Variants in TNNI3K observed in about 807,000 individuals in gnomAD.
The protein encoded by TNNI3K is TNNI3 interacting kinase.
TNNI3K carries 140 observed loss-of-function variants against 114.5 expected under a neutral mutation model. The observed-to-expected ratio is 1.22, with a 90% CI of 1.07 to 1.41. The LOEUF (loss-of-function observed/expected upper bound fraction) is 1.41, where lower values mean the gene tolerates loss of function less well. TNNI3K is among the 40% of genes most tolerant of loss of function. TNNI3K has a pLI of 0.00. For missense variants in TNNI3K, 1,125 were observed against 1,007.6 expected (o/e 1.12, Z -1.58); for synonymous variants, 347 against 347.5 (o/e 1.00, Z 0.02).
intron 23 of TNNI3K, among the ~76,000 whole-genome samples, chr1:74,505,169 G>C (rs1231590334): frequency 6.6e-6 from 1 of 152,188 alleles, no homozygotes; most frequent in Non-Finnish European, 1.5e-5. Flanking sequence ...AGTTGCGTGT[G>C]TGTACAACTG....
chr1:74,416,195 A>G (rs1274105659), intron 17 of TNNI3K: 1 of 668,120 alleles, frequency 1.5e-6, no homozygotes, highest in Non-Finnish European at 1.8e-6. Context: ...GGCATGAAGC[A>G]TAGCATAGCA....
At chr1:74,373,405 A>G (rs1304115634) in intron 17 of TNNI3K, 1 of 151,934 alleles carries the variant, frequency 6.6e-6, no homozygotes, top group Admixed American at 6.6e-5. Flanking sequence ...AAAGAAGTAG[A>G]GAGAAAGATG....
chr1:74,439,722 A>G, intron 20 of TNNI3K, 100 bp downstream of exon 20: 1 of 1,515,632 alleles, frequency 6.6e-7, no homozygotes, highest in Non-Finnish European at 8.9e-7. Context: ...AGTCTCAGTG[A>G]GATGGCAAAA....
intron 21 of TNNI3K, among the ~76,000 whole-genome samples, chr1:74,477,687 A>T (rs143402419): frequency 6.6e-6 from 1 of 152,298 alleles, no homozygotes; most frequent in African/African-American, 2.4e-5. Context: ...TCTTGATACT[A>T]GGTATATATC....
rs1669422046 is a variant in TNNI3K, at chr1:74,498,024, TAA to T, written c.2351+5760_2351+5761del. On this transcript the variant is annotated intron_variant, in intron 23 of 24. Transcript: ENST00000326637. ...TGTTTGTTTTTGTATTCCCAAGGACTAAAGAGATGCTATTACCATTTAGTGAG... is the reference window on the plus strand; with the variant it reads ...TGTTTGTTTTTGTATTCCCAAGGACTAGAGATGCTATTACCATTTAGTGAG... Among the ~76,000 whole-genome samples, 4 of 152,162 alleles carry T rather than the reference TAA, an allele frequency of 2.6e-5. No individual in the cohort carries two copies. The South Asian group carries it at 8.3e-4, about 32-fold the overall frequency.
intron 21 of TNNI3K, among the ~76,000 whole-genome samples, chr1:74,479,707 G>A (rs1013982221): frequency 6.6e-6 from 1 of 152,210 alleles, no homozygotes; most frequent in African/African-American, 2.4e-5. Flanking sequence ...ACACCATGGA[G>A]AAGCACACAA....
At chr1:74,350,524 G>A (rs60690599) in intron 9 of TNNI3K, among the ~76,000 whole-genome samples, 2 of 151,816 alleles carry the variant, frequency 1.3e-5, no homozygotes, top group African/African-American at 4.8e-5. Context: ...GGATATCCTT[G>A]TTAACTTTCT....
intron 6 of TNNI3K, among the ~76,000 whole-genome samples, chr1:74,332,512 G>C (rs1477201659): frequency 6.6e-6 from 1 of 152,042 alleles, no homozygotes; most frequent in Non-Finnish European, 1.5e-5. Context: ...ATGTTAGCCA[G>C]GATGGTCTCG....
chr1:74,476,634 T>C (rs1668221035), intron 21 of TNNI3K, among the ~76,000 whole-genome samples: 1 of 152,134 alleles, frequency 6.6e-6, no homozygotes, highest in South Asian at 2.1e-4. Context: ...AAATCATTGG[T>C]GATCTAATCT....
At position 74,430,769 on chromosome 1, in the gene TNNI3K, A is replaced by G. The variant is rs1306403771; in HGVS notation, c.1773-5311A>G. 6.6e-5 allele frequency among the ~76,000 whole-genome samples: 10 copies of G among 152,136 alleles called. No individual in the cohort carries two copies. In the South Asian group the frequency reaches 2.1e-3, roughly 32 times the overall value. ...AAAGACAAAGCTAGAGCCAAATCCA[A>G]ATACTGTGGTATCAGTGCAGTCAGG... On this transcript the variant is annotated intron_variant, in intron 17 of 24. Transcript: ENST00000326637.
chr1:74,390,121 T>C (rs1264506542), intron 17 of TNNI3K, among the ~76,000 whole-genome samples: 1 of 152,086 alleles, frequency 6.6e-6, no homozygotes, highest in Non-Finnish European at 1.5e-5. Flanking sequence ...TTGAGAAAAA[T>C]GTAGAGAGCA....
chr1:74,518,379 A>T (rs1646379216), intron 23 of TNNI3K, among the ~76,000 whole-genome samples: 1 of 152,074 alleles, frequency 6.6e-6, no homozygotes, highest in African/African-American at 2.4e-5. Context: ...TATTTATGAG[A>T]TTTCCACAGC....
chr1:74,422,003 A>AT (rs1665423610), intron 17 of TNNI3K, among the ~76,000 whole-genome samples: 1 of 148,982 alleles, frequency 6.7e-6, no homozygotes, highest in African/African-American at 2.5e-5. Context: ...TTTATTTTAG[A>AT]TTTTTTCAGC....
At chr1:74,406,907 G>A (rs938268713) in intron 17 of TNNI3K, among the ~76,000 whole-genome samples, 11 of 152,158 alleles carry the variant, frequency 7.2e-5, no homozygotes, top group African/African-American at 2.7e-4. Context: ...TCAAGCAAAT[G>A]ATTTAAAGAT....
At chr1:74,303,106 A>G (rs889140645) in intron 5 of TNNI3K, among the ~76,000 whole-genome samples, 1 of 152,206 alleles carries the variant, frequency 6.6e-6, no homozygotes, top group African/African-American at 2.4e-5. Context: ...GAACTGTGCT[A>G]AATCCACTTT....
chr1:74,427,869 G>C (rs1185555958), intron 17 of TNNI3K, among the ~76,000 whole-genome samples: 2 of 151,780 alleles, frequency 1.3e-5, no homozygotes, highest in African/African-American at 4.8e-5. Flanking sequence ...TATGTGGTTA[G>C]ATTTATTTAG....
At chr1:74,443,542 A>G (rs576573761) in intron 20 of TNNI3K, among the ~76,000 whole-genome samples, 156 of 152,286 alleles carry the variant, frequency 1.0e-3, no homozygotes, top group African/African-American at 3.5e-3. Flanking sequence ...AAAAAAGCCC[A>G]GGACCAGACG....
intron 17 of TNNI3K, chr1:74,376,745 C>T (rs1159932198): frequency 6.6e-6 from 1 of 151,810 alleles, no homozygotes; most frequent in East Asian, 1.9e-4. Context: ...CAGATCATAA[C>T]ACTTTTTCCA....
intron 4 of TNNI3K, among the ~76,000 whole-genome samples, chr1:74,257,054 T>C (rs760988896): frequency 6.6e-6 from 1 of 152,172 alleles, no homozygotes; most frequent in Non-Finnish European, 1.5e-5. Context: ...CACATATCAC[T>C]GAGTCTGCTT....
Sources: gnomAD v4.1 joint callset for allele counts (sites outside exome capture counted in the v4.1 genomes callset) on GRCh38, gnomAD v4.1.1 for gene constraint, MANE v1.5 for transcripts, NCBI Gene and HGNC (gene_info 2026-07-23, HGNC 2026-07-21) for gene names.